IMMP2L: variants seen among roughly 807,000 people sequenced by gnomAD.
IMMP2L encodes mitochondrial inner membrane protease subunit 2.
In IMMP2L, 18 loss-of-function variants were observed where a neutral mutation model predicts 19.3. That is an observed-to-expected ratio of 0.93 (90% confidence interval 0.64 to 1.38). The LOEUF is 1.38. Ranked by LOEUF, IMMP2L falls within the 40% of genes most tolerant of loss-of-function variation. The probability of loss-of-function intolerance (pLI) is 0.00; values close to 1 mark genes in which losing one functional copy is unlikely to be tolerated. For missense variants in IMMP2L, 233 were observed against 218.2 expected (o/e 1.07, Z -0.43); for synonymous variants, 76 against 73.0 (o/e 1.04, Z -0.21).
At chr7:111,077,392 C>T (rs553670436) in intron 3 of IMMP2L, among the ~76,000 whole-genome samples, 8 of 152,280 alleles carry the variant, frequency 5.3e-5, no homozygotes, top group Admixed American at 1.3e-4. Context: ...CTCGGAATCC[C>T]GCCTCTCACT....
At chr7:111,561,120 C>A (rs1209399497) in intron 1 of IMMP2L, among the ~76,000 whole-genome samples, 1 of 152,110 alleles carries the variant, frequency 6.6e-6, no homozygotes, top group Admixed American at 6.5e-5. Flanking sequence ...GAGAGGGAAG[C>A]AGTGTATTAA....
chr7:110,996,379 G>A (rs541640384), intron 3 of IMMP2L, among the ~76,000 whole-genome samples: 55 of 151,584 alleles, frequency 3.6e-4, no homozygotes, highest in African/African-American at 1.3e-3. Context: ...GAGAACGAGA[G>A]GGGGGTTGGC....
At chr7:111,091,552 C>A (rs1350156486) in intron 3 of IMMP2L, 1 of 152,146 alleles carries the variant, frequency 6.6e-6, no homozygotes, top group Non-Finnish European at 1.5e-5. Flanking sequence ...TATTTCTTGT[C>A]TCTTCGATGA....
rs368854303 is a variant in IMMP2L, at chr7:111,016,822, A to AG, written c.240-53258_240-53257insC. On this transcript the variant is annotated intron_variant, in intron 3 of 5. Coordinates refer to ENST00000405709, the MANE Select transcript of IMMP2L (RefSeq NM_032549.4). ...ATATAATATATACTATATATTATAT[A>AG]TAATATATAGTATATATTATATATA... 4.8e-4 allele frequency among the ~76,000 whole-genome samples: 28 copies of AG among 58,420 alleles called. No homozygotes were observed. In the East Asian group the frequency reaches 4.8e-3, roughly 10 times the overall value. The allele number at this position is 58,420 out of a possible 152,430, so 38.3% of individuals were successfully genotyped here.
At chr7:110,716,377 G>A (rs920005656) in intron 5 of IMMP2L, among the ~76,000 whole-genome samples, 1 of 152,038 alleles carries the variant, frequency 6.6e-6, no homozygotes, top group Non-Finnish European at 1.5e-5. Context: ...GCTATTGTGT[G>A]GTTGCTTTAT....
At chr7:111,260,290 C>T (rs1817180030) in intron 3 of IMMP2L, among the ~76,000 whole-genome samples, 1 of 152,154 alleles carries the variant, frequency 6.6e-6, no homozygotes, top group African/African-American at 2.4e-5. Context: ...AATGCTATGA[C>T]AGCTATGACT....
chr7:111,349,805 C>T (rs1827958016), intron 3 of IMMP2L, among the ~76,000 whole-genome samples: 1 of 152,140 alleles, frequency 6.6e-6, no homozygotes, highest in East Asian at 1.9e-4. Context: ...AGCCTTCTAG[C>T]TTGACTTCCT....
At chr7:110,820,288 C>G (rs983381618) in intron 5 of IMMP2L, among the ~76,000 whole-genome samples, 2 of 151,968 alleles carry the variant, frequency 1.3e-5, no homozygotes, top group Non-Finnish European at 2.9e-5. Flanking sequence ...GTGATGTTAT[C>G]ACAGTGTTTT....
intron 3 of IMMP2L, among the ~76,000 whole-genome samples, chr7:111,055,040 G>A (rs1585988359): frequency 7.0e-6 from 1 of 142,632 alleles, no homozygotes; most frequent in African/African-American, 2.5e-5. Context: ...GATTTGACAC[G>A]TTTCTTCCTT....
intron 5 of IMMP2L, among the ~76,000 whole-genome samples, chr7:110,692,490 AT>A (rs1348636434): frequency 5.6e-5 from 8 of 141,958 alleles, no homozygotes; most frequent in African/African-American, 2.0e-4. Context: ...CCCTAAAGCT[AT>A]TGAAATAAAA....
intron 5 of IMMP2L, among the ~76,000 whole-genome samples, chr7:110,850,241 C>A (rs1183690916): frequency 6.6e-6 from 1 of 151,920 alleles, no homozygotes; most frequent in Non-Finnish European, 1.5e-5. Flanking sequence ...AGCAAAAAAA[C>A]CAAGTAGGAA....
At chr7:111,240,531 A>C (rs1224675970) in intron 3 of IMMP2L, among the ~76,000 whole-genome samples, 1 of 151,980 alleles carries the variant, frequency 6.6e-6, no homozygotes, top group Non-Finnish European at 1.5e-5. Context: ...AGTCAAGGCA[A>C]ATAAAACGAA....
At chr7:111,023,162 A>C (rs903088564) in intron 3 of IMMP2L, among the ~76,000 whole-genome samples, 5 of 152,200 alleles carry the variant, frequency 3.3e-5, no homozygotes, top group African/African-American at 1.2e-4. Context: ...ATTTCTCTTA[A>C]CAGTGTCCTG....
intron 1 of IMMP2L, among the ~76,000 whole-genome samples, chr7:111,530,031 A>G (rs1306832974): frequency 6.6e-6 from 1 of 152,174 alleles, no homozygotes; most frequent in Non-Finnish European, 1.5e-5. Context: ...GCCCCATCCT[A>G]TCCAAGGTGC....
chr7:111,421,271 T>C lies in IMMP2L; in HGVS notation c.239+65967A>G, dbSNP rs1377685272. On this transcript the variant is annotated intron_variant, in intron 3 of 5. Transcript: ENST00000405709. ...GATGGGGTTGTTTGTTTTTTTCTTT[T>C]TTTTTTTTTTTTTTTTGAGACGGAG... is the stretch of plus-strand genomic sequence containing the variant. Among the ~76,000 whole-genome samples the C allele has an allele frequency of 9.5e-4, 114 of 120,540 alleles. 1 individual carries two copies. The highest frequency in any genetic ancestry group is 4.9e-3 in the Admixed American group (63 of 12,948). 79.1% of individuals were successfully genotyped at this position (120,540 alleles called of 152,430 possible).
chr7:111,029,934 G>A (rs139206523), intron 3 of IMMP2L, among the ~76,000 whole-genome samples: 1 of 152,232 alleles, frequency 6.6e-6, no homozygotes, highest in African/African-American at 2.4e-5. Flanking sequence ...TGGGCAATGT[G>A]AAAAGGGAAC....
intron 1 of IMMP2L, among the ~76,000 whole-genome samples, chr7:111,545,462 C>T (rs897124704): frequency 1.1e-4 from 16 of 152,244 alleles, no homozygotes; most frequent in African/African-American, 3.9e-4. Flanking sequence ...GCAATCTCAG[C>T]TCACCGCAAC....
chr7:110,800,104 AAAG>A (rs1205122559), intron 5 of IMMP2L, among the ~76,000 whole-genome samples: 2 of 152,124 alleles, frequency 1.3e-5, no homozygotes, highest in African/African-American at 2.4e-5. Flanking sequence ...CATGCACTTG[AAAG>A]AAGAATTGAT....
intron 3 of IMMP2L, among the ~76,000 whole-genome samples, chr7:111,034,332 T>G (rs1170835785): frequency 6.6e-6 from 1 of 152,076 alleles, no homozygotes; most frequent in Non-Finnish European, 1.5e-5. Flanking sequence ...GTAATATAAC[T>G]ATGGTAAGTA....
Sources: allele counts gnomAD v4.1 joint callset (sites outside exome capture counted in the v4.1 genomes callset), GRCh38; gene constraint gnomAD v4.1.1; transcripts MANE v1.5; gene names NCBI Gene and HGNC (gene_info 2026-07-23, HGNC 2026-07-21).